KAZN: variants seen among roughly 807,000 people sequenced by gnomAD.
The protein encoded by KAZN is kazrin.
Under a neutral mutation model 87.4 loss-of-function variants are expected in KAZN, and 40 were observed. The ratio of observed to expected loss-of-function variants is 0.46; its 90% CI spans 0.36 to 0.60. The LOEUF is 0.60. KAZN is among the 20% of genes least tolerant of loss of function. The probability of loss-of-function intolerance (pLI) is 0.00; values close to 1 mark genes in which losing one functional copy is unlikely to be tolerated. For synonymous variants in KAZN, 466 were observed against 458.3 expected, an observed-to-expected ratio of 1.02 and a Z score of -0.22; for missense variants, 898 against 1,073.9, an observed-to-expected ratio of 0.84 and a Z score of 2.29.
chr1:14,858,129 C>G (rs146365443), intron 1 of KAZN, among the ~76,000 whole-genome samples: 1 of 151,648 alleles, frequency 6.6e-6, no homozygotes, highest in East Asian at 1.9e-4. Context: ...TGTATCAGTA[C>G]TTCATTCCTT....
At chr1:14,065,692 T>C (rs1387967225) in intron 1 of KAZN, among the ~76,000 whole-genome samples, 2 of 152,164 alleles carry the variant, frequency 1.3e-5, no homozygotes, top group African/African-American at 4.8e-5. Flanking sequence ...TCTGAACTTG[T>C]TCCAATCGAT....
intron 2 of KAZN, among the ~76,000 whole-genome samples, chr1:14,185,225 A>G (rs1646278993): frequency 6.6e-6 from 1 of 152,148 alleles, no homozygotes; most frequent in Admixed American, 6.5e-5. Context: ...CTCTCTCCCT[A>G]GGTTCTCTTC....
chr1:14,066,354 C>T (rs79241228), intron 1 of KAZN, among the ~76,000 whole-genome samples: 3,098 of 152,168 alleles, frequency 0.02, 82 homozygotes, highest in East Asian at 0.067. Flanking sequence ...ATTGCCGGAT[C>T]GAACGGTAGA....
intron 2 of KAZN, among the ~76,000 whole-genome samples, chr1:14,207,948 G>A (rs1009628064): frequency 2.0e-5 from 3 of 152,166 alleles, no homozygotes; most frequent in Admixed American, 6.5e-5. Context: ...TGAAGCTTTT[G>A]CAACAAGACG....
At chr1:14,606,921 G>A (rs4661508) in intron 1 of KAZN, among the ~76,000 whole-genome samples, 110,951 of 152,022 alleles carry the variant, frequency 0.73, 41,086 homozygotes, top group Non-Finnish European at 0.8. Flanking sequence ...CCCTGGTTGC[G>A]AACTGCTTTT....
At chr1:14,164,824 C>G (rs1297488835) in intron 1 of KAZN, among the ~76,000 whole-genome samples, 3 of 152,082 alleles carry the variant, frequency 2.0e-5, no homozygotes, top group Non-Finnish European at 4.4e-5. Flanking sequence ...CAGGCATGAG[C>G]CACCGTGCCC....
intron 1 of KAZN, among the ~76,000 whole-genome samples, chr1:14,805,717 C>T (rs1001967487): frequency 6.6e-5 from 10 of 151,250 alleles, no homozygotes; most frequent in Non-Finnish European, 1.2e-4. Context: ...GCAGAGATCG[C>T]GCCAATGCAC....
intron 2 of KAZN, among the ~76,000 whole-genome samples, chr1:14,237,734 C>T (rs945959419): frequency 1.3e-5 from 2 of 151,416 alleles, no homozygotes; most frequent in African/African-American, 4.9e-5. Context: ...ATGAATGTTA[C>T]ATCCTGGGAT....
intron 2 of KAZN, among the ~76,000 whole-genome samples, chr1:14,978,997 C>T (rs555220671): frequency 3.2e-4 from 49 of 151,988 alleles, no homozygotes; most frequent in Admixed American, 2.6e-3. Flanking sequence ...CTCCATCTCC[C>T]GGGTTCAAGA....
intron 2 of KAZN, among the ~76,000 whole-genome samples, chr1:14,418,942 A>C (rs1571593630): frequency 6.6e-6 from 1 of 152,226 alleles, no homozygotes; most frequent in African/African-American, 2.4e-5. Context: ...CCACCTCGGC[A>C]CCCAGAAACT....
At chr1:14,683,005 T>C (rs540463551) in intron 1 of KAZN, among the ~76,000 whole-genome samples, 2 of 152,268 alleles carry the variant, frequency 1.3e-5, no homozygotes, top group East Asian at 3.8e-4. Context: ...TCTTTGTTTA[T>C]ATTTCCCTTG....
intron 1 of KAZN, among the ~76,000 whole-genome samples, chr1:14,060,543 G>A (rs955674032): frequency 6.6e-6 from 1 of 152,112 alleles, no homozygotes; most frequent in Non-Finnish European, 1.5e-5. Flanking sequence ...GGTTTGTAGA[G>A]AGGGAACAGT....
Position 14,638,531 on chromosome 1 carries a change from G to T in KAZN, c.226+39308G>T, listed in dbSNP as rs556776727. 1.5e-4 allele frequency among the ~76,000 whole-genome samples: 22 copies of T among 149,130 alleles called. 1 individual carries two copies. In the East Asian group the frequency reaches 4.1e-3, roughly 28 times the overall value. ...TTGCAGCGAGCTGAGATTGCACCAC[G>T]GCACTCCAGCCTGGGCAACAGAGCA... On this transcript the variant is annotated intron_variant, in intron 1 of 14. Transcript: ENST00000376030.
At chr1:13,969,366 T>TTTGG (rs776881025) in intron 1 of KAZN, among the ~76,000 whole-genome samples, 34 of 152,022 alleles carry the variant, frequency 2.2e-4, no homozygotes, top group Middle Eastern at 3.4e-3. Context: ...CTGGGGGAGA[T>TTTGG]TTGGACACAG....
At chr1:14,240,275 T>A (rs1162738206) in intron 2 of KAZN, among the ~76,000 whole-genome samples, 1 of 152,182 alleles carries the variant, frequency 6.6e-6, no homozygotes, top group African/African-American at 2.4e-5. Flanking sequence ...AGGGAACATG[T>A]GGTGAGGTCA....
rs1338386064 is a variant in KAZN, at chr1:15,060,239, C to T, written c.984C>T (p.Gly328=). The T allele has an allele frequency of 5.6e-6, 9 of 1,614,106 alleles. No homozygotes were observed. The highest frequency in any genetic ancestry group is 1.3e-5 in the African/African-American group (1 of 74,948). ...TCTCCGACGCATCTGCCGCCGAAGG[C>T]GACCGGTCGTCCACACCGAGCGACA... ...SVISDASAAE[G]DRSSTPSDIN... Residue 328 remains glycine, a synonymous_variant, in exon 6 of 15, where the codon GGC becomes GGT. Coordinates refer to ENST00000376030, the MANE Select transcript of KAZN (RefSeq NM_201628.3).
chr1:14,082,188 T>C (rs1643700441), intron 1 of KAZN, among the ~76,000 whole-genome samples: 1 of 152,212 alleles, frequency 6.6e-6, no homozygotes, highest in South Asian at 2.1e-4. Flanking sequence ...AATGTATTTA[T>C]TCTCTTCTAA....
At chr1:14,589,192 T>A (rs139002995) in intron 2 of KAZN, among the ~76,000 whole-genome samples, 17 of 152,184 alleles carry the variant, frequency 1.1e-4, no homozygotes, top group African/African-American at 3.6e-4. Context: ...GAGGATATGA[T>A]CAAAAGCAAA....
intron 2 of KAZN, among the ~76,000 whole-genome samples, chr1:14,466,706 C>T (rs35631019): frequency 0.022 from 3,361 of 151,248 alleles, 65 homozygotes; most frequent in Middle Eastern, 0.053. Flanking sequence ...CGGTGGCTCA[C>T]GCCTGTAATC....
Sources: gnomAD v4.1 joint callset for allele counts (sites outside exome capture counted in the v4.1 genomes callset) on GRCh38, gnomAD v4.1.1 for gene constraint, MANE v1.5 for transcripts, NCBI Gene and HGNC (gene_info 2026-07-23, HGNC 2026-07-21) for gene names.